The following NOVA2 variants were observed in gnomAD, a reference collection of about 807,000 sequenced individuals.
NOVA2 encodes RNA-binding protein Nova-2.
A neutral mutation model predicts 22.5 loss-of-function variants in NOVA2; 9 were observed. The observed-to-expected ratio is 0.40, with a 90% CI of 0.24 to 0.70. NOVA2 has a LOEUF of 0.70. NOVA2 is among the 30% of genes least tolerant of loss of function. The pLI is 0.38. For synonymous variants in NOVA2, 318 were observed against 335.2 expected (o/e 0.95, Z 0.56); for missense variants, 383 against 682.8 (o/e 0.56, Z 4.89).
chr19:45,956,631 G>A (rs928223585), intron 2 of NOVA2, among the ~76,000 whole-genome samples: 6 of 152,122 alleles, frequency 3.9e-5, no homozygotes, highest in Admixed American at 6.6e-5. Context: ...CACCACGCCC[G>A]TCTAAGTTTT....
At position 45,956,841 on chromosome 19, in the gene NOVA2, GCA is replaced by G. The variant is rs770729381; in HGVS notation, c.230-2897_230-2896del. 1.7e-4 allele frequency among the ~76,000 whole-genome samples: 26 copies of G among 152,324 alleles called. No individual in the cohort carries two copies. In the South Asian group the frequency reaches 2.3e-3, roughly 13 times the overall value. Reference sequence around the variant, plus strand: ...CTGATTCCCTGCTAAGGACGCCGAGGCACAGAGAGGGCTCAAGATGTGTTCAA... The same window carrying G: ...CTGATTCCCTGCTAAGGACGCCGAGGCAGAGAGGGCTCAAGATGTGTTCAA... On this transcript the variant is annotated intron_variant, in intron 2 of 3. Coordinates refer to ENST00000263257, the MANE Select transcript of NOVA2 (RefSeq NM_002516.4).
At chr19:45,970,204 C>T (rs902741614) in intron 1 of NOVA2, among the ~76,000 whole-genome samples, 9 of 152,134 alleles carry the variant, frequency 5.9e-5, no homozygotes, top group African/African-American at 1.9e-4. Context: ...TGATCCATGT[C>T]AAGCACTTCC....
intron 3 of NOVA2, among the ~76,000 whole-genome samples, chr19:45,944,992 G>A (rs540606545): frequency 2.3e-4 from 35 of 152,208 alleles, no homozygotes; most frequent in African/African-American, 8.2e-4. Context: ...AGATCGAGGG[G>A]TCATAGCTAA....
chr19:45,955,538 AG>A (rs1967991758), intron 2 of NOVA2, among the ~76,000 whole-genome samples: 2 of 152,180 alleles, frequency 1.3e-5, no homozygotes. Flanking sequence ...CTCTCTTTGA[AG>A]GGGATTCTGC....
intron 3 of NOVA2, among the ~76,000 whole-genome samples, chr19:45,951,478 C>G (rs2146414956): frequency 6.6e-6 from 1 of 152,182 alleles, no homozygotes; most frequent in South Asian, 2.1e-4. Context: ...ATTAGCCAGG[C>G]ATGGTAACAG....
intron 1 of NOVA2, among the ~76,000 whole-genome samples, chr19:45,971,908 C>T (rs1968237210): frequency 6.6e-6 from 1 of 152,002 alleles, no homozygotes; most frequent in South Asian, 2.1e-4. Flanking sequence ...CTTTTCTTCT[C>T]TGGTACACAC....
intron 1 of NOVA2, among the ~76,000 whole-genome samples, chr19:45,966,669 G>A (rs1280552292): frequency 2.0e-5 from 3 of 152,164 alleles, no homozygotes; most frequent in South Asian, 2.1e-4. Context: ...CCTGAGGTCA[G>A]AAGTTCGAGA....
chr19:45,964,979 T>C (rs1184339245), intron 1 of NOVA2, among the ~76,000 whole-genome samples: 3 of 152,000 alleles, frequency 2.0e-5, no homozygotes, highest in African/African-American at 7.3e-5. Flanking sequence ...ATTAAGGAGT[T>C]TCCTGACACC....
rs778375116 is a variant in NOVA2 at position 45,938,684 on chromosome 19, T to C, written c.*1179A>G. ...GGAGATGACCCTGACAATATTGGTT[T>C]TTTTCCGTTAGAGTCCTCCAGATTG... On this transcript the variant is annotated 3_prime_UTR_variant, in exon 4 of 4. Transcript: ENST00000263257. 1 of 152,238 alleles carries C rather than the reference T, an allele frequency of 6.6e-6. No individual in the cohort carries two copies. Among genetic ancestry groups the C allele is most frequent in the Non-Finnish European group, 1.5e-5 (1 of 68,060 alleles). 9.4% of individuals were successfully genotyped at this position (152,238 alleles called of 1,614,324 possible).
At chr19:45,963,823 C>A (rs542348488) in intron 1 of NOVA2, among the ~76,000 whole-genome samples, 131 of 152,248 alleles carry the variant, frequency 8.6e-4, no homozygotes, top group African/African-American at 3.1e-3. Flanking sequence ...AGCCACCGCG[C>A]CCGGGCCCCC....
intron 1 of NOVA2, among the ~76,000 whole-genome samples, chr19:45,972,201 T>G (rs1330337871): frequency 6.6e-6 from 1 of 151,692 alleles, no homozygotes; most frequent in Non-Finnish European, 1.5e-5. Context: ...CCTCGTGCGT[T>G]TCACCCACAA....
chr19:45,956,191 T>G (rs1368805996), intron 2 of NOVA2, among the ~76,000 whole-genome samples: 1 of 148,544 alleles, frequency 6.7e-6, no homozygotes, highest in East Asian at 2.1e-4. Flanking sequence ...TGAGTCAGCC[T>G]GCAGTCTGCC....
In NOVA2 at chr19:45,973,343, G is replaced by C; in HGVS notation, c.9C>G (p.Pro3=). Residue 3 remains proline, a synonymous_variant, in exon 1 of 4, where the codon CCC becomes CCG. Transcript: ENST00000263257. ...GCCTCTTGCGGGAATCCGGGGCCTC[G>C]GGCTCCATGGGGGGGGCCTGGGGCG... ME[P]EAPDSRKRPL... The C allele has an allele frequency of 8.4e-7, 1 of 1,185,528 alleles. No homozygotes were observed. The highest frequency in any genetic ancestry group is 1.1e-6 in the Non-Finnish European group (1 of 933,034). The allele number at this position is 1,185,528 out of a possible 1,614,324, so 73.4% of individuals were successfully genotyped here.
intron 1 of NOVA2, among the ~76,000 whole-genome samples, chr19:45,961,849 A>G (rs1472216288): frequency 6.6e-6 from 1 of 152,156 alleles, no homozygotes; most frequent in Non-Finnish European, 1.5e-5. Flanking sequence ...CCACATGGCT[A>G]TGTGAAGGAC....
rs1967670207 is a variant in NOVA2 at position 45,937,377 on chromosome 19, CTTACTTCACTCTCCCTG to C, written c.*2469_*2485del. 6.6e-6 allele frequency: 1 copy of C among 152,340 alleles called. No individual in the cohort carries two copies. The highest frequency in any genetic ancestry group is 2.1e-4 in the South Asian group (1 of 4,832). The allele number at this position is 152,340 out of a possible 1,614,324, so 9.4% of individuals were successfully genotyped here. On this transcript the variant is annotated 3_prime_UTR_variant, in exon 4 of 4. Coordinates refer to ENST00000263257, the MANE Select transcript of NOVA2 (RefSeq NM_002516.4). ...AGATCCCACCTCCCCAGTCCCAGAC[CTTACTTCACTCTCCCTG>C]GCTCCTTCCCTTCCTCATAGGGTCC...
At chr19:45,972,070 C>T (rs1276751028) in intron 1 of NOVA2, among the ~76,000 whole-genome samples, 2 of 152,084 alleles carry the variant, frequency 1.3e-5, no homozygotes, top group Non-Finnish European at 2.9e-5. Flanking sequence ...TCTCTGGTGT[C>T]ACACACTCAG....
At chr19:45,951,223 T>TC (rs1967920604) in intron 3 of NOVA2, among the ~76,000 whole-genome samples, 1 of 152,210 alleles carries the variant, frequency 6.6e-6, no homozygotes, top group South Asian at 2.1e-4. Flanking sequence ...ACGCCTGTAA[T>TC]CCCAGCACTT....
chr19:45,946,687 C>A (rs887714884), intron 3 of NOVA2, among the ~76,000 whole-genome samples: 2 of 152,066 alleles, frequency 1.3e-5, no homozygotes, highest in Non-Finnish European at 2.9e-5. Context: ...TCCTGGCTAA[C>A]ATGGTGAAAC....
chr19:45,940,284 A>C lies in NOVA2; in HGVS notation c.1058T>G (p.Leu353Arg). 2 of 1,113,362 alleles carry C rather than the reference A, an allele frequency of 1.8e-6. No individual in the cohort carries two copies. The highest frequency in any genetic ancestry group is 2.2e-6 in the Non-Finnish European group (2 of 916,432). 69.0% of individuals were successfully genotyped at this position (1,113,362 alleles called of 1,614,324 possible). ...APPPPPPPGA[L>R]GSFALAAAAN... is the part of the protein sequence containing the mutation. ...GGCTGCGGCCAACGCAAAGGACCCC[A>C]GGGCTCCGGGAGGCGGGGGCGGCGG... Residue 353 changes from leucine to arginine, a missense_variant, in exon 4 of 4, where the codon CTG becomes CGG. Transcript: ENST00000263257.
Sources: allele counts gnomAD v4.1 joint callset (sites outside exome capture counted in the v4.1 genomes callset), GRCh38; gene constraint gnomAD v4.1.1; transcripts MANE v1.5; gene names NCBI Gene and HGNC (gene_info 2026-07-23, HGNC 2026-07-21).